The following CFAP77 variants were observed in gnomAD, a reference collection of about 807,000 sequenced individuals.
CFAP77 encodes cilia- and flagella-associated protein 77.
A neutral mutation model predicts 31.1 loss-of-function variants in CFAP77; 25 were observed. The ratio of observed to expected loss-of-function variants is 0.80; its 90% confidence interval spans 0.59 to 1.12. CFAP77 has a LOEUF of 1.12. CFAP77 is among the 50% of genes most tolerant of loss of function. The pLI is 0.00. For synonymous variants in CFAP77, 151 were observed against 159.9 expected, an observed-to-expected ratio of 0.94 and a Z score of 0.42; for missense variants, 377 against 397.3, an observed-to-expected ratio of 0.95 and a Z score of 0.44.
intron 1 of CFAP77, among the ~76,000 whole-genome samples, chr9:132,452,369 T>C (rs1427443825): frequency 6.6e-6 from 1 of 152,154 alleles, no homozygotes. Context: ...ACTGATGTTA[T>C]AAATAGGCAA....
chr9:132,486,967 G>A (rs537611408), intron 1 of CFAP77, among the ~76,000 whole-genome samples: 2 of 152,364 alleles, frequency 1.3e-5, no homozygotes, highest in East Asian at 1.9e-4. Context: ...GGGGAGCGGG[G>A]ACCAGGCAGG....
chr9:132,525,389 T>C (rs1433023168), intron 3 of CFAP77, among the ~76,000 whole-genome samples: 1 of 152,162 alleles, frequency 6.6e-6, no homozygotes, highest in Non-Finnish European at 1.5e-5. Flanking sequence ...TCCACTAGCA[T>C]GCTTGATTGC....
chr9:132,444,230 A>G (rs1564205884), intron 1 of CFAP77, among the ~76,000 whole-genome samples: 1 of 152,230 alleles, frequency 6.6e-6, no homozygotes, highest in Non-Finnish European at 1.5e-5. Flanking sequence ...GGAAGAAGGT[A>G]TTTGTGAGGC....
intron 1 of CFAP77, chr9:132,482,415 C>G (rs1314654553): frequency 2.7e-5 from 43 of 1,610,588 alleles, no homozygotes; most frequent in Non-Finnish European, 3.6e-5. Context: ...AGGAGGCCCA[C>G]AGGTGTTTCT....
At chr9:132,487,738 A>G (rs1319589205) in intron 1 of CFAP77, among the ~76,000 whole-genome samples, 1 of 150,746 alleles carries the variant, frequency 6.6e-6, no homozygotes, top group Non-Finnish European at 1.5e-5. Flanking sequence ...ATCATTATGC[A>G]GTGTTCAACT....
At chr9:132,443,347 G>A (rs111491381) in intron 1 of CFAP77, among the ~76,000 whole-genome samples, 2 of 150,148 alleles carry the variant, frequency 1.3e-5, no homozygotes, top group Non-Finnish European at 3.0e-5. Flanking sequence ...TCCGCCTCCC[G>A]GGTTCAAGCG....
At chr9:132,463,198 C>T (rs770945500) in intron 1 of CFAP77, among the ~76,000 whole-genome samples, 61 of 152,320 alleles carry the variant, frequency 4.0e-4, no homozygotes, top group Admixed American at 4.6e-4. Flanking sequence ...TTGCGAAAGG[C>T]ACTTTTCAGC....
intron 1 of CFAP77, among the ~76,000 whole-genome samples, chr9:132,420,616 G>A (rs1202647989): frequency 6.6e-6 from 1 of 151,042 alleles, no homozygotes; most frequent in East Asian, 2.0e-4. Flanking sequence ...AGCCAAGATC[G>A]CGCCATTGCA....
rs576207085 is a variant in CFAP77, at chr9:132,530,295, G to T, written c.525-7306G>T. Among the ~76,000 whole-genome samples the T allele has an allele frequency of 1.6e-3, 235 of 146,510 alleles. 3 individuals are homozygous for T. Among genetic ancestry groups the T allele is most frequent in the African/African-American group, 5.6e-3 (223 of 40,138 alleles). ...AATTTTCTTTTTTTTTTTTTGAGAC[G>T]GAGTCTCTCTCTCTCTGTCACCCAT... is the stretch of plus-strand genomic sequence containing the variant. On this transcript the variant is annotated intron_variant, in intron 3 of 5. Coordinates refer to ENST00000393216, the MANE Select transcript of CFAP77 (RefSeq NM_001282957.2).
intron 3 of CFAP77, among the ~76,000 whole-genome samples, chr9:132,530,757 A>C (rs541857541): frequency 6.6e-6 from 1 of 152,068 alleles, no homozygotes; most frequent in Non-Finnish European, 1.5e-5. Context: ...CACAGAGCAA[A>C]CGTTTTTAAT....
At chr9:132,507,855 T>C (rs765819142) in intron 3 of CFAP77, among the ~76,000 whole-genome samples, 1 of 152,122 alleles carries the variant, frequency 6.6e-6, no homozygotes, top group Non-Finnish European at 1.5e-5. Flanking sequence ...AGCATGTGGA[T>C]CTCGCAAAGA....
intron 1 of CFAP77, among the ~76,000 whole-genome samples, chr9:132,443,282 TC>T (rs1850649805): frequency 1.3e-5 from 2 of 151,826 alleles, no homozygotes; most frequent in Non-Finnish European, 2.9e-5. Flanking sequence ...AGACGGAGTT[TC>T]CCTCTTGTTG....
At chr9:132,502,070 C>T (rs1057138298) in intron 3 of CFAP77, among the ~76,000 whole-genome samples, 2 of 152,202 alleles carry the variant, frequency 1.3e-5, no homozygotes, top group African/African-American at 4.8e-5. Context: ...TAGCGGACTT[C>T]TTGCAATCCG....
At position 132,499,649 on chromosome 9, in the gene CFAP77, C is replaced by A; in HGVS notation, c.524+49C>A. 1 of 1,549,226 alleles carries A rather than the reference C, an allele frequency of 6.5e-7. No individual in the cohort carries two copies. The highest frequency in any genetic ancestry group is 8.9e-7 in the Non-Finnish European group (1 of 1,121,884). ...TTCATCCCTTGAGGGGGTGGAGGTACCAGCTCAATCAGGGACAAGGTCGGA... is the reference window on the plus strand; with the variant it reads ...TTCATCCCTTGAGGGGGTGGAGGTAACAGCTCAATCAGGGACAAGGTCGGA... On this transcript the variant is annotated intron_variant, in intron 3 of 5. Coordinates refer to ENST00000393216, the MANE Select transcript of CFAP77 (RefSeq NM_001282957.2). This position sits in a 1 kb window ranked among gnomAD's most constrained non-coding sequence, Gnocchi z 5.4.
Position 132,550,009 on chromosome 9 carries a change from GGTGTTCATGTATGTGGGGA to G in CFAP77, c.732+6966_732+6984del, listed in dbSNP as rs1252010076. Among the ~76,000 whole-genome samples, 3 of 152,230 alleles carry G rather than the reference GGTGTTCATGTATGTGGGGA, an allele frequency of 2.0e-5. No individual in the cohort carries two copies. In the East Asian group the frequency reaches 5.8e-4, roughly 29 times the overall value. On this transcript the variant is annotated intron_variant, in intron 5 of 5. Transcript: ENST00000393216. Reference sequence around the variant, plus strand: ...CTGAGGCAGAGACAAAAGGAAAGGAGGTGTTCATGTATGTGGGGAGTGATGGGGGAATAGCGGCCAAGTT... The same window carrying G: ...CTGAGGCAGAGACAAAAGGAAAGGAGGTGATGGGGGAATAGCGGCCAAGTT...
intron 1 of CFAP77, among the ~76,000 whole-genome samples, chr9:132,413,829 A>AT (rs891598766): frequency 3.9e-5 from 6 of 152,018 alleles, no homozygotes; most frequent in Non-Finnish European, 8.8e-5. Flanking sequence ...GTAGCACCCG[A>AT]TTTTTTCATA....
Position 132,565,598 on chromosome 9 carries a change from T to A in CFAP77, c.733-6790T>A, listed in dbSNP as rs2061673273. On this transcript the variant is annotated intron_variant, in intron 5 of 5. Transcript: ENST00000393216. This position sits in a 1 kb window ranked among gnomAD's most constrained non-coding sequence, Gnocchi z 4.1. ...GTGAGCTGAGATCACACCACTGCAC[T>A]CCAGCCTGGGCAACGAGAATGAAAC... Among the ~76,000 whole-genome samples the A allele has an allele frequency of 6.6e-6, 1 of 151,814 alleles. No homozygotes were observed. Among genetic ancestry groups the A allele is most frequent in the South Asian group, 2.1e-4 (1 of 4,788 alleles).
In CFAP77 at chr9:132,412,617, CT is replaced by C. The variant is rs796226670; in HGVS notation, c.195+2163del. Among the ~76,000 whole-genome samples, 808 of 148,986 alleles carry C rather than the reference CT, an allele frequency of 5.4e-3. 9 individuals carry two copies. The highest frequency in any genetic ancestry group is 0.017 in the African/African-American group (682 of 40,314). On this transcript the variant is annotated intron_variant, in intron 1 of 5. Transcript: ENST00000393216. ...GGTTTTTTTGTTTGTTTGTTTTGTG[CT>C]TTTTTTTTTTTGTTTGTTTGTTTGT...
intron 3 of CFAP77, among the ~76,000 whole-genome samples, chr9:132,524,129 G>A (rs926770914): frequency 3.3e-5 from 5 of 151,876 alleles, no homozygotes; most frequent in East Asian, 2.0e-4. Flanking sequence ...GAGCCACTGC[G>A]CCCAACCTAT....
Sources: gnomAD v4.1 joint callset for allele counts (sites outside exome capture counted in the v4.1 genomes callset) on GRCh38, gnomAD v4.1.1 for gene constraint, Gnocchi (gnomAD v3.1) non-coding constraint, MANE v1.5 for transcripts, NCBI Gene and HGNC (gene_info 2026-07-23, HGNC 2026-07-21) for gene names.